SLC9C2: variants seen among roughly 807,000 people sequenced by gnomAD.
The protein encoded by SLC9C2 is sodium/hydrogen exchanger 11.
A neutral mutation model predicts 140.2 loss-of-function variants in SLC9C2; 75 were observed. The ratio of observed to expected loss-of-function variants is 0.53; its 90% CI spans 0.44 to 0.65. The LOEUF (loss-of-function observed/expected upper bound fraction) is 0.65, where lower values mean the gene tolerates loss of function less well. SLC9C2 is among the 30% of genes least tolerant of loss of function. The pLI is 0.00. For synonymous variants in SLC9C2, 375 were observed against 420.9 expected (o/e 0.89, Z 1.34); for missense variants, 1,074 against 1,331.8 (o/e 0.81, Z 3.01).
At chr1:173,556,086 T>C (rs1460900120) in intron 10 of SLC9C2, among the ~76,000 whole-genome samples, 1 of 152,194 alleles carries the variant, frequency 6.6e-6, no homozygotes, top group Non-Finnish European at 1.5e-5. Flanking sequence ...CCTTGGTAGG[T>C]GAGTCAGTGC....
chr1:173,578,989 G>A (rs1270809884), intron 7 of SLC9C2, among the ~76,000 whole-genome samples: 1 of 152,232 alleles, frequency 6.6e-6, no homozygotes, highest in Non-Finnish European at 1.5e-5. Context: ...TACCTAGCAA[G>A]CTTTCATTCT....
chr1:173,537,098 C>T, intron 13 of SLC9C2, 59 bp from the exon 14 acceptor site: 1 of 1,366,330 alleles, frequency 7.3e-7, no homozygotes, highest in Non-Finnish European at 1.0e-6. Context: ...ATGTATTCTT[C>T]TTAACCCTTA....
intron 8 of SLC9C2, among the ~76,000 whole-genome samples, chr1:173,575,805 C>T (rs1054212454): frequency 2.6e-5 from 4 of 152,246 alleles, no homozygotes; most frequent in African/African-American, 7.2e-5. Flanking sequence ...GTCTCGATCT[C>T]CTGACCTCGT....
chr1:173,503,331 C>T lies in SLC9C2; in HGVS notation c.3311-5G>A, dbSNP rs781710670. ...CAAAGACCGTGTTGACTGAGGCTAACCAAATCCAAGCATTGAACAGAAAAA... is the reference window on the plus strand; with the variant it reads ...CAAAGACCGTGTTGACTGAGGCTAATCAAATCCAAGCATTGAACAGAAAAA... On this transcript the variant is annotated splice_region_variant and splice_polypyrimidine_tract_variant and intron_variant, in intron 26 of 27. Transcript: ENST00000367714. 21 of 1,612,688 alleles carry T rather than the reference C, an allele frequency of 1.3e-5. No individual in the cohort carries two copies. Among genetic ancestry groups the T allele is most frequent in the Admixed American group, 1.0e-4 (6 of 59,848 alleles).
At chr1:173,518,228 A>T (rs954594184) in intron 22 of SLC9C2, among the ~76,000 whole-genome samples, 7 of 150,642 alleles carry the variant, frequency 4.6e-5, no homozygotes, top group Admixed American at 2.7e-4. Flanking sequence ...GTGCCACTGC[A>T]CTCCAGCTGG....
intron 22 of SLC9C2, among the ~76,000 whole-genome samples, chr1:173,520,826 G>T (rs1405984885): frequency 1.3e-5 from 2 of 152,024 alleles, no homozygotes; most frequent in Non-Finnish European, 2.9e-5. Context: ...CACAAAATGG[G>T]GCTCACGCAT....
In SLC9C2 at chr1:173,535,831, C is replaced by A; in HGVS notation, c.1774G>T (p.Glu592Ter). The change falls in exon 15 of 28, where the codon GAG (glutamate) becomes TAG (stop). Residue 592 changes from glutamate (E) to a stop codon, truncating the protein, a stop_gained and splice_region_variant. Coordinates refer to ENST00000367714, the MANE Select transcript of SLC9C2 (RefSeq NM_178527.4). LOFTEE classifies it high-confidence loss of function. ...CIEKIHFIPP[E>*]SNTFLTFIFH... ...CTATTAAAGGTTCACAATACTTACT[C>A]AGGTGGAATAAAATGTATCTTTTCT... 1 of 1,504,190 alleles carries A rather than the reference C, an allele frequency of 6.6e-7. No individual in the cohort carries two copies. Among genetic ancestry groups the A allele is most frequent in the South Asian group, 1.2e-5 (1 of 83,334 alleles). 93.2% of individuals were successfully genotyped at this position (1,504,190 alleles called of 1,614,324 possible). A position where few individuals can be genotyped will look rare whatever the true frequency, so the allele number is the denominator to read the frequency against.
At chr1:173,541,772 C>A (rs1016635168) in intron 13 of SLC9C2, among the ~76,000 whole-genome samples, 1 of 152,052 alleles carries the variant, frequency 6.6e-6, no homozygotes, top group Admixed American at 6.6e-5. Context: ...GGTTAAATAA[C>A]AAAATGAAGG....
chr1:173,520,185 A>G (rs1660711679), intron 22 of SLC9C2, among the ~76,000 whole-genome samples: 1 of 152,070 alleles, frequency 6.6e-6, no homozygotes, highest in African/African-American at 2.4e-5. Context: ...CTCATGTCTC[A>G]GCCTCCTGAG....
At chr1:173,577,195 C>T (rs987910409) in intron 7 of SLC9C2, among the ~76,000 whole-genome samples, 9 of 152,286 alleles carry the variant, frequency 5.9e-5, no homozygotes, top group Admixed American at 2.6e-4. Flanking sequence ...TCGCAGTTTG[C>T]CAAGTCCTGC....
chr1:173,545,021 C>T (rs1438353438), intron 13 of SLC9C2, among the ~76,000 whole-genome samples: 1 of 151,894 alleles, frequency 6.6e-6, no homozygotes, highest in Non-Finnish European at 1.5e-5. Context: ...AAAAAAAGAC[C>T]AAATCCAGGG....
At chr1:173,572,299 G>A (rs898462551) in intron 9 of SLC9C2, among the ~76,000 whole-genome samples, 1 of 152,208 alleles carries the variant, frequency 6.6e-6, no homozygotes, top group Non-Finnish European at 1.5e-5. Flanking sequence ...CAGCAGGTAG[G>A]CACCAATTTA....
rs1485249949 is a variant in SLC9C2 at position 173,513,501 on chromosome 1, G to A, written c.2908-3802C>T. 4.6e-5 allele frequency among the ~76,000 whole-genome samples: 7 copies of A among 152,082 alleles called. No individual in the cohort carries two copies. In the East Asian group the frequency reaches 1.3e-3, roughly 29 times the overall value. On this transcript the variant is annotated intron_variant, in intron 23 of 27. Coordinates refer to ENST00000367714, the MANE Select transcript of SLC9C2 (RefSeq NM_178527.4). ...TTTGTATTTCTGTGGGGTCAGTGGTGATATCCCCTTTATCATTTTTTATTG... is the reference window on the plus strand; with the variant it reads ...TTTGTATTTCTGTGGGGTCAGTGGTAATATCCCCTTTATCATTTTTTATTG...
rs1203071202 is a variant in SLC9C2, at chr1:173,534,627, A to T, written c.1831T>A (p.Tyr611Asn). ...FHIVFSEEFEYTGQIINLIYI... is the reference protein window; with the variant it reads ...FHIVFSEEFENTGQIINLIYI... ...ATCAAATTTATAATCTGTCCTGTAT[A>T]TTCAAATTCTTCAGAAAATACTATG... The change falls in exon 16 of 28, where the codon TAT becomes AAT. Residue 611 changes from tyrosine to asparagine, a missense_variant. Transcript: ENST00000367714. The T allele has an allele frequency of 6.4e-7, 1 of 1,555,116 alleles. No homozygotes were observed.
intron 10 of SLC9C2, among the ~76,000 whole-genome samples, chr1:173,556,103 G>T (rs907774796): frequency 6.6e-6 from 1 of 152,170 alleles, no homozygotes; most frequent in African/African-American, 2.4e-5. Context: ...GTGCTCTTGA[G>T]CTCATATCAT....
intron 13 of SLC9C2, among the ~76,000 whole-genome samples, chr1:173,542,070 G>C (rs1662471032): frequency 6.6e-6 from 1 of 152,100 alleles, no homozygotes; most frequent in Admixed American, 6.5e-5. Flanking sequence ...GAATCCAGGA[G>C]CTGGTTTTTT....
rs187478029 is a variant in SLC9C2, at chr1:173,601,287, A to G, written c.127+363T>C. ...TTGGTCAGGTTAGGTCTGGCCAGGCAGGCAGTGTACAGCTCTTCCTCCTCC... is the reference window on the plus strand; with the variant it reads ...TTGGTCAGGTTAGGTCTGGCCAGGCGGGCAGTGTACAGCTCTTCCTCCTCC... On this transcript the variant is annotated intron_variant, in intron 2 of 27. Transcript: ENST00000367714. Among the ~76,000 whole-genome samples the G allele has an allele frequency of 2.8e-3, 430 of 152,300 alleles. 1 individual carries two copies. Among genetic ancestry groups the G allele is most frequent in the African/African-American group, 9.6e-3 (397 of 41,558 alleles).
At chr1:173,600,277 GT>G in intron 2 of SLC9C2, 60 bp from the exon 3 acceptor site, 5 of 1,251,912 alleles carry the variant, frequency 4.0e-6, no homozygotes, top group South Asian at 1.3e-5. Flanking sequence ...TACCAAATGT[GT>G]ATCACTTTTG....
chr1:173,550,668 A>C (rs1025124391), intron 11 of SLC9C2, among the ~76,000 whole-genome samples: 1 of 150,694 alleles, frequency 6.6e-6, no homozygotes, highest in Admixed American at 6.6e-5. Context: ...CGATCTCTTG[A>C]CCTTGTGATC....
Sources: allele counts gnomAD v4.1 joint callset (sites outside exome capture counted in the v4.1 genomes callset), GRCh38; gene constraint gnomAD v4.1.1; transcripts MANE v1.5; gene names NCBI Gene and HGNC (gene_info 2026-07-23, HGNC 2026-07-21).